The following SRR variants were observed in gnomAD, a reference collection of about 807,000 sequenced individuals.
SRR encodes the protein D-serine ammonia-lyase.
Under a neutral mutation model 32.7 loss-of-function variants are expected in SRR, and 19 were observed. That is an observed-to-expected ratio of 0.58 (90% CI 0.40 to 0.85). The LOEUF (loss-of-function observed/expected upper bound fraction) is 0.85. Among genes scored for constraint, SRR ranks in the 40% least tolerant of loss-of-function variants. The pLI, the probability that SRR is intolerant of heterozygous loss-of-function variation, is 0.00. For missense variants in SRR, 373 were observed against 404.7 expected (o/e 0.92, Z 0.67); for synonymous variants, 142 against 140.9 (o/e 1.01, Z -0.06).
rs568342840 is a variant in SRR at position 2,320,503 on chromosome 17, C to T, written c.400-803C>T. 2.0e-3 allele frequency among the ~76,000 whole-genome samples: 303 copies of T among 151,868 alleles called. 1 individual carries two copies. Among genetic ancestry groups the T allele is most frequent in the Non-Finnish European group, 3.7e-3 (254 of 67,946 alleles). ...ACTCCTGACCTCGTGATCTGCCCGCCTTGGCCTCCCAAAGTGCTGGGATTA... is the reference window on the plus strand; with the variant it reads ...ACTCCTGACCTCGTGATCTGCCCGCTTTGGCCTCCCAAAGTGCTGGGATTA... On this transcript the variant is annotated intron_variant, in intron 4 of 7. Coordinates refer to ENST00000344595, the MANE Select transcript of SRR (RefSeq NM_021947.3).
chr17:2,321,486 AT>A (rs2075527975), intron 5 of SRR, 55 bp from the exon 6 acceptor site: 1 of 1,612,662 alleles, frequency 6.2e-7, no homozygotes, highest in Non-Finnish European at 8.5e-7. Context: ...ATATTCAATT[AT>A]TTTATATGTA....
chr17:2,319,964 G>A (rs1053016063), intron 4 of SRR, among the ~76,000 whole-genome samples: 7 of 151,598 alleles, frequency 4.6e-5, no homozygotes, highest in South Asian at 4.2e-4. Context: ...GACTACAGGC[G>A]CCTGCCACCA....
In SRR at chr17:2,324,511, T is replaced by C; in HGVS notation, c.*638T>C. Reference sequence around the variant, plus strand: ...AATCCCGTGTTTCCTTACCTAAAGGTTCCTTGATATGTCCTCTCCGGCCCC... The same window carrying C: ...AATCCCGTGTTTCCTTACCTAAAGGCTCCTTGATATGTCCTCTCCGGCCCC... On this transcript the variant is annotated 3_prime_UTR_variant, in exon 8 of 8. Transcript: ENST00000344595. 1 of 1,614,114 alleles carries C rather than the reference T, an allele frequency of 6.2e-7. No homozygotes were observed. The highest frequency in any genetic ancestry group is 8.5e-7 in the Non-Finnish European group (1 of 1,180,012).
chr17:2,312,930 A>AT (rs1270769097), intron 1 of SRR, among the ~76,000 whole-genome samples: 4 of 152,084 alleles, frequency 2.6e-5, no homozygotes, highest in East Asian at 1.9e-4. Context: ...TAAAATTATT[A>AT]TTTTTTCTTT....
Position 2,323,674 on chromosome 17 carries a change from G to T in SRR, c.824G>T (p.Trp275Leu). 1.9e-6 allele frequency: 3 copies of T among 1,614,114 alleles called. No individual in the cohort carries two copies. The African/African-American group carries it at 4.0e-5, about 22-fold the overall frequency. Residue 275 changes from tryptophan (W) to leucine (L), a missense_variant, in exon 8 of 8, where the codon TGG becomes TTG. By Grantham distance (61) the Trp-to-Leu change is moderately conservative. Coordinates refer to ENST00000344595, the MANE Select transcript of SRR (RefSeq NM_021947.3). ...CAACAGTGTGCAACCCAGCTGGTGT[G>T]GGAGAGGATGAAACTACTCATTGAA... ...DEIKCATQLVWERMKLLIEPT... is the reference protein window; with the variant it reads ...DEIKCATQLVLERMKLLIEPT...
Position 2,323,181 on chromosome 17 carries a change from G to A in SRR, c.640G>A (p.Ala214Thr). Residue 214 changes from alanine to threonine, a missense_variant, in exon 7 of 8, where the codon GCA (alanine) becomes ACA (threonine). Transcript: ENST00000344595. ...VKVYAAEPSN[A>T]DDCYQSKLKG... The stretch of plus-strand genomic sequence containing the variant: ...GGTATATGCTGCTGAACCCTCAAAT[G>A]CAGATGACTGCTACCAGTCCAAGCT... 4 of 1,614,192 alleles carry A rather than the reference G, an allele frequency of 2.5e-6. No homozygotes were observed. The highest frequency in any genetic ancestry group is 3.4e-6 in the Non-Finnish European group (4 of 1,180,028).
intron 1 of SRR, among the ~76,000 whole-genome samples, chr17:2,305,950 C>T (rs568644072): frequency 6.6e-6 from 1 of 151,842 alleles, no homozygotes; most frequent in African/African-American, 2.4e-5. Context: ...CCACCCGCCT[C>T]AACCTCCTAA....
intron 2 of SRR, among the ~76,000 whole-genome samples, chr17:2,317,249 C>T (rs762606371): frequency 6.8e-6 from 1 of 147,566 alleles, no homozygotes; most frequent in African/African-American, 2.5e-5. Context: ...CGGTGGCTCA[C>T]GCCTGTAATC....
intron 1 of SRR, among the ~76,000 whole-genome samples, chr17:2,307,934 G>A (rs894434267): frequency 1.3e-5 from 2 of 151,376 alleles, no homozygotes; most frequent in African/African-American, 2.4e-5. Context: ...TTTCTGTTCT[G>A]TGGAAAGTGT....
intron 2 of SRR, 50 bp from the exon 3 acceptor site, chr17:2,317,820 C>T (rs746653181): frequency 6.3e-7 from 1 of 1,582,414 alleles, no homozygotes. Flanking sequence ...CCTTGCTTTC[C>T]AAAACAATGT....
chr17:2,319,826 T>TTC, intron 4 of SRR, among the ~76,000 whole-genome samples: 1 of 150,778 alleles, frequency 6.6e-6, no homozygotes, highest in East Asian at 1.9e-4. Context: ...CTCTTCTTTT[T>TTC]TTTTTTTTTT....
chr17:2,316,175 A>G (rs537037897), intron 2 of SRR, among the ~76,000 whole-genome samples: 2 of 152,268 alleles, frequency 1.3e-5, no homozygotes, highest in African/African-American at 2.4e-5. Context: ...AGTATTCAGT[A>G]CAGTAACATG....
In SRR at chr17:2,315,625, C is replaced by G; in HGVS notation, c.65C>G (p.Ser22Cys). Residue 22 changes from serine to cysteine, a missense_variant, in exon 2 of 8, where the codon TCT (serine) becomes TGT (cysteine). Coordinates refer to ENST00000344595, the MANE Select transcript of SRR (RefSeq NM_021947.3). ...AAAGCTCATATCAACATTCGAGATT[C>G]TATCCACCTCACACCAGTGCTAACA... The part of the protein sequence containing the change: ...VEKAHINIRD[S>C]IHLTPVLTSS... 6.2e-7 allele frequency: 1 copy of G among 1,614,148 alleles called. No homozygotes were observed. Among genetic ancestry groups the G allele is most frequent in the Non-Finnish European group, 8.5e-7 (1 of 1,180,014 alleles).
chr17:2,307,434 TG>T, intron 1 of SRR: 1 of 1,330,218 alleles, frequency 7.5e-7, no homozygotes, highest in Non-Finnish European at 1.1e-6. Context: ...TCAGTGGTCA[TG>T]GTGGCTTTGG....
intron 6 of SRR, 116 bp from the exon 7 acceptor site, chr17:2,323,020 C>G (rs1205613296): frequency 4.7e-6 from 5 of 1,063,324 alleles, no homozygotes; most frequent in Middle Eastern, 3.0e-4. Flanking sequence ...CCGCCTCGGG[C>G]TCCCAAAGTG....
chr17:2,315,734 A>G lies in SRR; in HGVS notation c.168+6A>G, dbSNP rs2075468121. 6.2e-7 allele frequency: 1 copy of G among 1,612,638 alleles called. No individual in the cohort carries two copies. The highest frequency in any genetic ancestry group is 2.2e-5 in the East Asian group (1 of 44,836). On this transcript the variant is annotated splice_donor_region_variant and intron_variant, in intron 2 of 7. Transcript: ENST00000344595. Reference sequence around the variant, plus strand: ...AGAAAACAGGATCTTTTAAGGTAACAATCCTTTTTCTCAGTGTATCATGTA... The same window carrying G: ...AGAAAACAGGATCTTTTAAGGTAACGATCCTTTTTCTCAGTGTATCATGTA...
At chr17:2,318,800 T>C (rs1555581804) in intron 3 of SRR, 26 bp from the exon 4 acceptor site, 1 of 1,572,854 alleles carries the variant, frequency 6.4e-7, no homozygotes, top group South Asian at 1.1e-5. Flanking sequence ...TTCTCCTGAC[T>C]TTTTCCTCTC....
chr17:2,310,259 A>G (rs2075423927), intron 1 of SRR, among the ~76,000 whole-genome samples: 1 of 152,176 alleles, frequency 6.6e-6, no homozygotes, highest in Admixed American at 6.5e-5. Context: ...GTTGAGAGAC[A>G]GGGTCTACAT....
chr17:2,318,122 C>A, intron 3 of SRR, 126 bp downstream of exon 3: 1 of 1,094,352 alleles, frequency 9.1e-7, no homozygotes, highest in Non-Finnish European at 1.3e-6. Flanking sequence ...TGATTGCAAG[C>A]AATATGAACA....
Sources: allele counts gnomAD v4.1 joint callset (sites outside exome capture counted in the v4.1 genomes callset), GRCh38; gene constraint gnomAD v4.1.1; transcripts MANE v1.5; gene names NCBI Gene and HGNC (gene_info 2026-07-23, HGNC 2026-07-21).